The following SLC35F1 variants were observed in gnomAD, a reference collection of about 807,000 sequenced individuals.
SLC35F1 encodes chromosome 6 open reading frame 169.
In SLC35F1, 14 loss-of-function variants were observed where a neutral mutation model predicts 48.7. That is an observed-to-expected ratio of 0.29 (90% CI 0.19 to 0.45). The LOEUF (loss-of-function observed/expected upper bound fraction) is 0.45. SLC35F1 is among the 20% of genes least tolerant of loss of function. The pLI is 1.00. For synonymous variants in SLC35F1, 190 were observed against 202.2 expected (o/e 0.94, Z 0.51); for missense variants, 404 against 500.0 (o/e 0.81, Z 1.83).
At chr6:118,051,280 G>T (rs1412833579) in intron 1 of SLC35F1, among the ~76,000 whole-genome samples, 1 of 152,036 alleles carries the variant, frequency 6.6e-6, no homozygotes, top group Non-Finnish European at 1.5e-5. Flanking sequence ...GAAGCTCAAA[G>T]TGTATTTCCT....
At chr6:118,198,925 G>A (rs1453524474) in intron 2 of SLC35F1, among the ~76,000 whole-genome samples, 2 of 152,204 alleles carry the variant, frequency 1.3e-5, no homozygotes, top group Non-Finnish European at 2.9e-5. Context: ...CAGCAAGTCA[G>A]GCCAAGCAAC....
chr6:118,248,892 G>A (rs983806005), intron 3 of SLC35F1, among the ~76,000 whole-genome samples: 1 of 152,126 alleles, frequency 6.6e-6, no homozygotes, highest in Non-Finnish European at 1.5e-5. Flanking sequence ...TTTGGAGGTG[G>A]AGCCTTTGGG....
At chr6:117,932,276 G>T (rs1428842686) in intron 1 of SLC35F1, among the ~76,000 whole-genome samples, 1 of 152,178 alleles carries the variant, frequency 6.6e-6, no homozygotes, top group African/African-American at 2.4e-5. Context: ...TAAATACTCA[G>T]AATATGGTAT....
chr6:118,060,676 A>C (rs1772524614), intron 1 of SLC35F1, among the ~76,000 whole-genome samples: 1 of 152,192 alleles, frequency 6.6e-6, no homozygotes, highest in Non-Finnish European at 1.5e-5. Context: ...ATCATTAAAA[A>C]ACTAAATTTT....
intron 1 of SLC35F1, among the ~76,000 whole-genome samples, chr6:118,043,689 C>T (rs1463334118): frequency 6.6e-6 from 1 of 151,616 alleles, no homozygotes; most frequent in Non-Finnish European, 1.5e-5. Context: ...AGACATACGC[C>T]CTCACACTCA....
intron 1 of SLC35F1, among the ~76,000 whole-genome samples, chr6:117,928,691 T>A (rs989753226): frequency 3.9e-5 from 6 of 152,270 alleles, no homozygotes; most frequent in Admixed American, 2.0e-4. Context: ...ATTCCAGACG[T>A]AGGTCTTTGA....
Position 117,911,399 on chromosome 6 carries a change from TC to T in SLC35F1, c.173+3504del, listed in dbSNP as rs1267668953. Among the ~76,000 whole-genome samples, 175 of 20,574 alleles carry T rather than the reference TC, an allele frequency of 8.5e-3. 1 individual carries two copies. The highest frequency in any genetic ancestry group is 0.027 in the African/African-American group (172 of 6,396). The allele number at this position is 20,574 out of a possible 152,430, so 13.5% of individuals were successfully genotyped here. ...CACATTTCCCTCCCCTCCCCTCCCCTCCCCTCCCTCCCTCCCTCCCTCCCTC... is the reference window on the plus strand; with the variant it reads ...CACATTTCCCTCCCCTCCCCTCCCCTCCCTCCCTCCCTCCCTCCCTCCCTC... On this transcript the variant is annotated intron_variant, in intron 1 of 7. Transcript: ENST00000360388.
At chr6:118,183,587 A>G (rs17336166) in intron 2 of SLC35F1, among the ~76,000 whole-genome samples, 20,318 of 152,126 alleles carry the variant, frequency 0.13, 1,622 homozygotes, top group Non-Finnish European at 0.18. Flanking sequence ...GTAGAAGTCA[A>G]TACTCAATGG....
At chr6:118,170,227 A>G (rs1005670182) in intron 2 of SLC35F1, among the ~76,000 whole-genome samples, 4 of 152,230 alleles carry the variant, frequency 2.6e-5, no homozygotes, top group Non-Finnish European at 5.9e-5. Context: ...TTTGATTGAG[A>G]GTTAAAATAA....
At chr6:118,170,846 T>C (rs1436681111) in intron 2 of SLC35F1, among the ~76,000 whole-genome samples, 2 of 152,184 alleles carry the variant, frequency 1.3e-5, no homozygotes, top group East Asian at 3.8e-4. Flanking sequence ...GACATAAATA[T>C]AATTTTTTTA....
At chr6:118,113,471 G>A (rs1449041751) in intron 1 of SLC35F1, among the ~76,000 whole-genome samples, 2 of 151,994 alleles carry the variant, frequency 1.3e-5, no homozygotes, top group African/African-American at 4.8e-5. Flanking sequence ...TAAGAGGAGG[G>A]GCTATCTATG....
chr6:118,016,288 T>G (rs1777321213), intron 1 of SLC35F1, among the ~76,000 whole-genome samples: 1 of 152,228 alleles, frequency 6.6e-6, no homozygotes, highest in Admixed American at 6.5e-5. Flanking sequence ...CAGTCTGGTA[T>G]CACCACTCAT....
chr6:118,261,164 C>T (rs1278317709), intron 3 of SLC35F1, among the ~76,000 whole-genome samples: 2 of 152,188 alleles, frequency 1.3e-5, no homozygotes. Context: ...TAAATTCTGT[C>T]CCCATGGCAT....
intron 1 of SLC35F1, among the ~76,000 whole-genome samples, chr6:118,139,064 G>A (rs373030998): frequency 1.3e-5 from 2 of 151,962 alleles, no homozygotes; most frequent in South Asian, 2.1e-4. Context: ...CAGTCATGAC[G>A]AAAACTTTAG....
At chr6:117,964,138 T>C (rs911102768) in intron 1 of SLC35F1, among the ~76,000 whole-genome samples, 2 of 152,232 alleles carry the variant, frequency 1.3e-5, no homozygotes, top group African/African-American at 2.4e-5. Context: ...TCCACGTCCC[T>C]GCAAAGGACA....
chr6:118,050,859 T>C (rs564531838), intron 1 of SLC35F1, among the ~76,000 whole-genome samples: 1 of 152,186 alleles, frequency 6.6e-6, no homozygotes, highest in South Asian at 2.1e-4. Flanking sequence ...GCTGTTGACC[T>C]TGACTGGACA....
At chr6:118,156,798 A>G (rs1774151046) in intron 2 of SLC35F1, among the ~76,000 whole-genome samples, 1 of 152,196 alleles carries the variant, frequency 6.6e-6, no homozygotes, top group Admixed American at 6.5e-5. Flanking sequence ...CTATACTGCA[A>G]GATGGTACAC....
chr6:118,159,500 G>A (rs1399900472), intron 2 of SLC35F1, among the ~76,000 whole-genome samples: 1 of 152,200 alleles, frequency 6.6e-6, no homozygotes, highest in African/African-American at 2.4e-5. Flanking sequence ...AGAAAGTACA[G>A]TGAAGCTTCC....
chr6:118,196,591 C>A (rs953021062), intron 2 of SLC35F1, among the ~76,000 whole-genome samples: 7 of 151,934 alleles, frequency 4.6e-5, no homozygotes, highest in Admixed American at 1.3e-4. Flanking sequence ...TGGCAGACAC[C>A]TATAATCCTA....
Sources: allele counts gnomAD v4.1 joint callset (sites outside exome capture counted in the v4.1 genomes callset), GRCh38; gene constraint gnomAD v4.1.1; transcripts MANE v1.5; gene names NCBI Gene and HGNC (gene_info 2026-07-23, HGNC 2026-07-21).